The following COL4A5 variants were observed in gnomAD, a reference collection of about 807,000 sequenced individuals.
COL4A5 encodes collagen alpha-5(IV) chain.
COL4A5 carries 26 observed loss-of-function variants against 130.2 expected under a neutral mutation model. That is an observed-to-expected ratio of 0.20 (90% CI 0.15 to 0.28). The LOEUF (loss-of-function observed/expected upper bound fraction) is 0.28, where lower values mean the gene tolerates loss of function less well. Among genes scored for constraint, COL4A5 ranks in the 10% least tolerant of loss-of-function variants. The pLI, the probability that COL4A5 is intolerant of heterozygous loss-of-function variation, is 1.00. For missense variants in COL4A5, 1,131 were observed against 1,344.3 expected (o/e 0.84, Z 2.48); for synonymous variants, 496 against 439.6 (o/e 1.13, Z -1.60).
chrX:108,655,774 C>A (rs2067828783), intron 37 of COL4A5, among the ~76,000 whole-genome samples: 1 of 112,467 alleles, frequency 8.9e-6, no homozygotes, highest in African/African-American at 3.2e-5. Flanking sequence ...ATAATATATA[C>A]TTCCAAGCCT....
Position 108,601,404 on chromosome X carries a change from G to C in COL4A5, c.1960G>C (p.Asp654His). ...ACTCTTGCTTTCAGGTCCTAAAGGG[G>C]ATCCAGGTCAGACTATAACCCAGCC... ...GQPGIPGPKG[D>H]PGQTITQPGK... Residue 654 changes from aspartate to histidine, a missense_variant, in exon 26 of 53, where the codon GAT becomes CAT. By Grantham distance (81) the Asp-to-His change is moderately conservative. Transcript: ENST00000328300. The C allele has an allele frequency of 1.7e-6, 2 of 1,205,962 alleles. No individual in the cohort carries two copies. The highest frequency in any genetic ancestry group is 2.2e-6 in the Non-Finnish European group (2 of 891,593).
chrX:108,631,484 A>G (rs751664353), intron 36 of COL4A5, among the ~76,000 whole-genome samples: 1 of 110,751 alleles, frequency 9.0e-6, no homozygotes, highest in Admixed American at 9.7e-5. Context: ...AAGAATGCTT[A>G]TGATACATCT....
intron 37 of COL4A5, among the ~76,000 whole-genome samples, chrX:108,663,724 C>T (rs764327165): frequency 9.5e-6 from 1 of 105,396 alleles, no homozygotes; most frequent in Admixed American, 1.0e-4. Context: ...ATCCTGCATA[C>T]GTACCCCAGA....
intron 42 of COL4A5, among the ~76,000 whole-genome samples, chrX:108,670,497 T>C (rs1167599606): frequency 8.9e-6 from 1 of 112,254 alleles, no homozygotes; most frequent in East Asian, 2.8e-4. Flanking sequence ...GTTGAAAATC[T>C]GTAGTACCGA....
intron 37 of COL4A5, among the ~76,000 whole-genome samples, chrX:108,659,734 A>G (rs1477633411): frequency 9.0e-6 from 1 of 111,017 alleles, no homozygotes; most frequent in African/African-American, 3.3e-5. Flanking sequence ...TACTTAGTAC[A>G]GTATAACTTT....
intron 1 of COL4A5, among the ~76,000 whole-genome samples, chrX:108,459,925 GA>G (rs1231495161): frequency 8.9e-6 from 1 of 111,926 alleles, no homozygotes; most frequent in Non-Finnish European, 1.9e-5. Context: ...TAGGAAACAA[GA>G]AATATGTAGG....
intron 1 of COL4A5, among the ~76,000 whole-genome samples, chrX:108,482,227 CAG>C (rs2064899070): frequency 9.0e-6 from 1 of 111,432 alleles, no homozygotes; most frequent in African/African-American, 3.3e-5. Context: ...AGAACTAAAA[CAG>C]TTCTTTTCTA....
rs147083234 is a variant in COL4A5, at chrX:108,563,209, T to A, written c.232-673T>A. On this transcript the variant is annotated intron_variant, in intron 3 of 52. Transcript: ENST00000328300. The stretch of plus-strand genomic sequence containing the variant: ...CTTTTTCTTGGAGCAGAATTAGGTT[T>A]TTTAATTCTATTTTTTTAAAGAAAA... 9.9e-5 allele frequency among the ~76,000 whole-genome samples: 11 copies of A among 111,670 alleles called. No individual in the cohort carries two copies. In the East Asian group the frequency reaches 2.5e-3, roughly 26 times the overall value.
chrX:108,600,242 T>C (rs1032109918), intron 25 of COL4A5, among the ~76,000 whole-genome samples: 1 of 112,042 alleles, frequency 8.9e-6, no homozygotes, highest in African/African-American at 3.2e-5. Context: ...AGTTCTTAGT[T>C]ACCTATGTAT....
At position 108,565,015 on chromosome X, in the gene COL4A5, T is replaced by C. The variant is rs1484756427; in HGVS notation, c.276+1089T>C. The stretch of plus-strand genomic sequence containing the variant: ...GTTAAAAATTGATATCAATATACTA[T>C]TAAAGCTCTTTATAATAATAAAAAT... On this transcript the variant is annotated intron_variant, in intron 4 of 52. Transcript: ENST00000328300. 2.7e-5 allele frequency among the ~76,000 whole-genome samples: 3 copies of C among 111,485 alleles called. No homozygotes were observed. In the East Asian group the frequency reaches 8.4e-4, roughly 31 times the overall value.
At chrX:108,690,128 C>A in intron 49 of COL4A5, 1 of 460,988 alleles carries the variant, frequency 2.2e-6, no homozygotes, top group Non-Finnish European at 2.7e-6. Context: ...ATTTAATTTA[C>A]ACAACTATGA....
At chrX:108,670,099 G>T (rs1269803154) in intron 41 of COL4A5, 129 bp from the exon 42 acceptor site, 2 of 725,540 alleles carry the variant, frequency 2.8e-6, no homozygotes, top group Non-Finnish European at 4.1e-6. Flanking sequence ...TTCTTTTATT[G>T]AAATGAATTT....
intron 29 of COL4A5, among the ~76,000 whole-genome samples, chrX:108,607,435 C>T (rs1427184447): frequency 1.9e-5 from 2 of 107,675 alleles, no homozygotes; most frequent in Non-Finnish European, 3.8e-5. Flanking sequence ...CCACTTTGTT[C>T]CTCTCCATCC....
intron 23 of COL4A5, 36 bp from the exon 24 acceptor site, chrX:108,597,341 T>C (rs762396583): frequency 8.2e-5 from 95 of 1,156,572 alleles, no homozygotes; most frequent in Non-Finnish European, 1.0e-4. Flanking sequence ...TTCTTCTTTT[T>C]CCACTCTTTT....
chrX:108,620,120 G>A, intron 30 of COL4A5, 139 bp from the exon 31 acceptor site: 1 of 520,838 alleles, frequency 1.9e-6, no homozygotes, highest in Non-Finnish European at 3.4e-6. Context: ...TATTTTGTGT[G>A]CATGATGTCA....
At chrX:108,571,494 G>T in intron 7 of COL4A5, 28 bp downstream of exon 7, 1 of 1,085,966 alleles carries the variant, frequency 9.2e-7, no homozygotes, top group South Asian at 1.9e-5. Context: ...GGATTATGAT[G>T]AACACAGGAA....
chrX:108,577,889 A>G (rs2066179289), intron 10 of COL4A5, 63 bp from the exon 11 acceptor site: 1 of 950,434 alleles, frequency 1.1e-6, no homozygotes, highest in Non-Finnish European at 1.5e-6. Context: ...CTGAAACTAA[A>G]TAACTTTTAA....
At chrX:108,518,233 G>A (rs935474910) in intron 1 of COL4A5, among the ~76,000 whole-genome samples, 1 of 110,945 alleles carries the variant, frequency 9.0e-6, no homozygotes, top group Non-Finnish European at 1.9e-5. Flanking sequence ...ATAAGGTAAC[G>A]ATTTTTAAAA....
chrX:108,682,791 T>A lies in COL4A5; in HGVS notation c.4216+903T>A, dbSNP rs749976178. ...TTAAGTTCCTTGTAGATTCTGGATA[T>A]TAGCCCTTTGTCAGATGGATAGATT... On this transcript the variant is annotated intron_variant, in intron 47 of 52. Transcript: ENST00000328300. Among the ~76,000 whole-genome samples the A allele has an allele frequency of 6.2e-5, 7 of 112,087 alleles. No homozygotes were observed. In the South Asian group the frequency reaches 2.6e-3, roughly 42 times the overall value.
Sources: gnomAD v4.1 joint callset for allele counts (sites outside exome capture counted in the v4.1 genomes callset) on GRCh38, gnomAD v4.1.1 for gene constraint, MANE v1.5 for transcripts, NCBI Gene and HGNC (gene_info 2026-07-23, HGNC 2026-07-21) for gene names.